The following TMPRSS11D variants were observed in gnomAD, a reference collection of about 807,000 sequenced individuals.
TMPRSS11D encodes the protein transmembrane protease serine 11D.
In TMPRSS11D, 32 loss-of-function variants were observed where a neutral mutation model predicts 44.4. The ratio of observed to expected loss-of-function variants is 0.72; its 90% CI spans 0.54 to 0.97. TMPRSS11D has a LOEUF of 0.97. Ranked by LOEUF, TMPRSS11D falls within the 50% of genes least tolerant of loss-of-function variation. TMPRSS11D has a pLI of 0.00. For synonymous variants in TMPRSS11D, 179 were observed against 177.9 expected, an observed-to-expected ratio of 1.01 and a Z score of -0.05; for missense variants, 446 against 502.6, an observed-to-expected ratio of 0.89 and a Z score of 1.08.
intron 1 of TMPRSS11D, among the ~76,000 whole-genome samples, chr4:67,868,035 T>C (rs1446295009): frequency 1.3e-5 from 2 of 152,012 alleles, no homozygotes; most frequent in East Asian, 3.8e-4. Flanking sequence ...GCAGCACTAT[T>C]TATAATAGCA....
At chr4:67,839,702 GAGATCC>G (rs142888865) in intron 4 of TMPRSS11D, among the ~76,000 whole-genome samples, 1,545 of 151,898 alleles carry the variant, frequency 0.01, 24 homozygotes, top group African/African-American at 0.035. Flanking sequence ...ATCTGTTTCC[GAGATCC>G]AGCTTTAAAT....
intron 2 of TMPRSS11D, among the ~76,000 whole-genome samples, chr4:67,855,681 G>A (rs1251585501): frequency 1.3e-5 from 2 of 152,112 alleles, no homozygotes; most frequent in Non-Finnish European, 2.9e-5. Flanking sequence ...CATAGTACTG[G>A]AAGTCCTAAC....
chr4:67,870,607 G>A (rs1001027770), intron 1 of TMPRSS11D, among the ~76,000 whole-genome samples: 2 of 152,112 alleles, frequency 1.3e-5, no homozygotes, highest in African/African-American at 4.8e-5. Context: ...GAGGTCAGGA[G>A]ATCGAGACCA....
intron 1 of TMPRSS11D, among the ~76,000 whole-genome samples, chr4:67,881,589 A>T (rs1352985915): frequency 6.6e-6 from 1 of 152,174 alleles, no homozygotes; most frequent in Non-Finnish European, 1.5e-5. Context: ...ATGATTTACA[A>T]TTTTAAGCAT....
At chr4:67,840,157 T>C (rs1382280600) in intron 4 of TMPRSS11D, among the ~76,000 whole-genome samples, 2 of 152,026 alleles carry the variant, frequency 1.3e-5, no homozygotes, top group African/African-American at 4.8e-5. Flanking sequence ...ATGAGGTGTG[T>C]ATTAGTTTTT....
intron 6 of TMPRSS11D, among the ~76,000 whole-genome samples, chr4:67,834,230 T>C (rs1287613848): frequency 6.6e-6 from 1 of 151,948 alleles, no homozygotes; most frequent in East Asian, 1.9e-4. Context: ...TTTTAAGTAG[T>C]GCCCTGGTTT....
chr4:67,855,199 G>A (rs1256594128), intron 2 of TMPRSS11D, among the ~76,000 whole-genome samples: 1 of 147,762 alleles, frequency 6.8e-6, no homozygotes, highest in Non-Finnish European at 1.5e-5. Flanking sequence ...AGGTTAAAGT[G>A]AGCCAAGATC....
chr4:67,867,101 C>A (rs571214311), intron 1 of TMPRSS11D, among the ~76,000 whole-genome samples: 1 of 152,034 alleles, frequency 6.6e-6, no homozygotes, highest in Non-Finnish European at 1.5e-5. Context: ...GCTATAGTAA[C>A]CAAAACAGCA....
chr4:67,868,350 T>A (rs1718974319), intron 1 of TMPRSS11D, among the ~76,000 whole-genome samples: 1 of 152,158 alleles, frequency 6.6e-6, no homozygotes, highest in African/African-American at 2.4e-5. Context: ...CAGTGTATCC[T>A]ATTCAGGTGA....
intron 1 of TMPRSS11D, among the ~76,000 whole-genome samples, chr4:67,862,981 A>T (rs1281093137): frequency 6.6e-6 from 1 of 151,908 alleles, no homozygotes; most frequent in Non-Finnish European, 1.5e-5. Context: ...GGTGCAGCAC[A>T]ACAACATGGC....
intron 7 of TMPRSS11D, among the ~76,000 whole-genome samples, chr4:67,831,992 T>C (rs1717957353): frequency 6.6e-6 from 1 of 152,154 alleles, no homozygotes; most frequent in Admixed American, 6.6e-5. Flanking sequence ...GTAGTGCCTA[T>C]AAATCTGAAA....
chr4:67,854,085 C>A lies in TMPRSS11D; in HGVS notation c.232G>T (p.Gly78Ter). ...TAACTTACCAGAGATTCAATTCTTC[C>A]ACTCAAAGTCCTGTATTCCTGTGTA... ...PATQEYRTLS[G>*]RIESLITKTF... Residue 78 changes from glycine (G) to a stop codon, truncating the protein, a stop_gained, in exon 3 of 10, where the codon GGA (glycine) becomes TGA (stop). Coordinates refer to ENST00000283916, the MANE Select transcript of TMPRSS11D (RefSeq NM_004262.3). LOFTEE classifies it high-confidence loss of function. 1.3e-6 allele frequency: 2 copies of A among 1,560,318 alleles called. No individual in the cohort carries two copies. The highest frequency in any genetic ancestry group is 1.7e-6 in the Non-Finnish European group (2 of 1,152,418).
intron 9 of TMPRSS11D, among the ~76,000 whole-genome samples, chr4:67,823,444 C>T (rs1717702380): frequency 1.3e-5 from 2 of 152,132 alleles, no homozygotes. Context: ...TTAAGTCCTC[C>T]ACTTACCAGC....
At chr4:67,879,121 G>T (rs1719260716) in intron 1 of TMPRSS11D, among the ~76,000 whole-genome samples, 1 of 151,994 alleles carries the variant, frequency 6.6e-6, no homozygotes, top group Non-Finnish European at 1.5e-5. Context: ...ATGTCCTAGG[G>T]AATCATTAGC....
chr4:67,856,934 T>TA (rs1474848978), intron 2 of TMPRSS11D, among the ~76,000 whole-genome samples: 1 of 152,124 alleles, frequency 6.6e-6, no homozygotes, highest in African/African-American at 2.4e-5. Context: ...CACAATGAGA[T>TA]ATCATCTCAC....
In TMPRSS11D at chr4:67,854,134, A is replaced by G. The variant is rs35553276; in HGVS notation, c.183T>C (p.Tyr61=). The G allele has an allele frequency of 4.7e-5, 76 of 1,600,370 alleles. No homozygotes were observed. In the African/African-American group the frequency reaches 1.0e-3, roughly 21 times the overall value. Residue 61 remains tyrosine, a synonymous_variant, in exon 3 of 10, where the codon TAT becomes TAC. Transcript: ENST00000283916. ...TAGCTGGTGAATTTAACTGACTATT[A>G]TATTCAACATTTAGGAGTTGAAAAC... The part of the protein sequence containing the change: ...RSSFQLLNVE[Y]NSQLNSPATQ...
chr4:67,879,296 A>G (rs1018054474), intron 1 of TMPRSS11D, among the ~76,000 whole-genome samples: 14 of 151,872 alleles, frequency 9.2e-5, no homozygotes, highest in Non-Finnish European at 1.8e-4. Context: ...CCTGGCTAAC[A>G]CAGTGAAACC....
At chr4:67,877,707 C>T (rs1362823694) in intron 1 of TMPRSS11D, among the ~76,000 whole-genome samples, 1 of 152,142 alleles carries the variant, frequency 6.6e-6, no homozygotes, top group Admixed American at 6.6e-5. Context: ...GAAAATTATA[C>T]TTGACACCTC....
chr4:67,852,811 C>T (rs1292080703), intron 3 of TMPRSS11D, among the ~76,000 whole-genome samples: 3 of 152,090 alleles, frequency 2.0e-5, no homozygotes, highest in African/African-American at 7.2e-5. Context: ...TAAGCATCAA[C>T]CCGACCAAAT....
Sources: allele counts gnomAD v4.1 joint callset (sites outside exome capture counted in the v4.1 genomes callset), GRCh38; gene constraint gnomAD v4.1.1; transcripts MANE v1.5; gene names NCBI Gene and HGNC (gene_info 2026-07-23, HGNC 2026-07-21).